The following ZMIZ1 variants were observed in gnomAD, a reference collection of about 807,000 sequenced individuals.
The protein encoded by ZMIZ1 is zinc finger MIZ-type containing 1.
In ZMIZ1, 17 loss-of-function variants were observed where a neutral mutation model predicts 113.9. The ratio of observed to expected loss-of-function variants is 0.15; its 90% CI spans 0.10 to 0.22. ZMIZ1 has a LOEUF of 0.22. Ranked by LOEUF, ZMIZ1 falls within the 10% of genes least tolerant of loss-of-function variation. ZMIZ1 has a pLI of 1.00. For synonymous variants in ZMIZ1, 607 were observed against 603.1 expected (o/e 1.01, Z -0.09); for missense variants, 1,059 against 1,477.8 (o/e 0.72, Z 4.65).
At chr10:79,221,371 A>T (rs1352579492) in intron 7 of ZMIZ1, among the ~76,000 whole-genome samples, 1 of 152,150 alleles carries the variant, frequency 6.6e-6, no homozygotes, top group Non-Finnish European at 1.5e-5. Flanking sequence ...GCGGCCCTGG[A>T]CGCCCAGCCC....
At chr10:79,283,524 G>T (rs2131999486) in intron 8 of ZMIZ1, among the ~76,000 whole-genome samples, 1 of 152,260 alleles carries the variant, frequency 6.6e-6, no homozygotes, top group East Asian at 1.9e-4. Context: ...AAAGAAGGGG[G>T]CAATCAAAAC....
At chr10:79,266,163 G>A (rs893901928) in intron 7 of ZMIZ1, among the ~76,000 whole-genome samples, 3 of 152,210 alleles carry the variant, frequency 2.0e-5, no homozygotes, top group Non-Finnish European at 2.9e-5. Flanking sequence ...CCAGAGACGG[G>A]AGGAAGTTGC....
intron 7 of ZMIZ1, among the ~76,000 whole-genome samples, chr10:79,263,172 A>T (rs1431749492): frequency 2.0e-5 from 3 of 152,254 alleles, no homozygotes; most frequent in Non-Finnish European, 4.4e-5. Context: ...TGCGCTCCTG[A>T]GCTTACAACA....
At chr10:79,255,899 C>T (rs1373219972) in intron 7 of ZMIZ1, among the ~76,000 whole-genome samples, 2 of 152,204 alleles carry the variant, frequency 1.3e-5, no homozygotes, top group South Asian at 2.1e-4. Context: ...ATCACAGAGC[C>T]GCATTGTAAA....
At chr10:79,295,393 T>C (rs1440242702) in intron 12 of ZMIZ1, 1 of 152,256 alleles carries the variant, frequency 6.6e-6, no homozygotes, top group African/African-American at 2.4e-5. Flanking sequence ...CACTGGGTGG[T>C]CACAGCCTAT....
chr10:79,161,920 G>T, intron 3 of ZMIZ1, 133 bp from the exon 4 acceptor site: 2 of 398,256 alleles, frequency 5.0e-6, no homozygotes, highest in East Asian at 7.1e-5. Flanking sequence ...TTTATGCCAG[G>T]GCACCCCATC....
At chr10:79,244,115 AG>A (rs1262905190) in intron 7 of ZMIZ1, among the ~76,000 whole-genome samples, 2 of 152,252 alleles carry the variant, frequency 1.3e-5, no homozygotes, top group Non-Finnish European at 2.9e-5. Flanking sequence ...GCAGCGCCTG[AG>A]GGTCCTCGAC....
At chr10:79,083,631 C>T (rs1454720528) in intron 1 of ZMIZ1, among the ~76,000 whole-genome samples, 1 of 152,166 alleles carries the variant, frequency 6.6e-6, no homozygotes, top group Admixed American at 6.5e-5. Flanking sequence ...CAAGGGTGGC[C>T]ACAAGGAGAC....
intron 1 of ZMIZ1, among the ~76,000 whole-genome samples, chr10:79,114,525 G>GTGTGTGTGTGTA (rs1452074592): frequency 3.5e-5 from 5 of 143,852 alleles, no homozygotes; most frequent in African/African-American, 1.3e-4. Flanking sequence ...GTGTGTGTGT[G>GTGTGTGTGTGTA]TGTGTGTGTG....
intron 1 of ZMIZ1, among the ~76,000 whole-genome samples, chr10:79,084,290 A>G (rs1003267410): frequency 3.3e-5 from 5 of 152,224 alleles, no homozygotes; most frequent in African/African-American, 9.7e-5. Flanking sequence ...CAAGGGATCA[A>G]CTGCGTGGGG....
At position 79,313,747 on chromosome 10, in the gene ZMIZ1, C is replaced by T. The variant is rs1003571143; in HGVS notation, c.*998C>T. 4.8e-5 allele frequency: 15 copies of T among 312,974 alleles called. No homozygotes were observed. The highest frequency in any genetic ancestry group is 9.5e-5 in the Non-Finnish European group (15 of 158,048). The allele number at this position is 312,974 out of a possible 1,614,324, so 19.4% of individuals were successfully genotyped here. A position where few individuals can be genotyped will look rare whatever the true frequency, so the allele number is the denominator to read the frequency against. On this transcript the variant is annotated 3_prime_UTR_variant, in exon 25 of 25. Coordinates refer to ENST00000334512, the MANE Select transcript of ZMIZ1 (RefSeq NM_020338.4). ...CTTGGACAGCAAGCAAACCATTTCT[C>T]TCCGTCTGTTCTGTTTTTCTCCTAG...
rs1852363537 is a variant in ZMIZ1 at position 79,277,329 on chromosome 10, A to G, written c.425+4A>G. Reference sequence around the variant, plus strand: ...TGAAACCCACTCTGTCGCACAGGTAAGTGGGTGGGTGCCATGGGTGCAGGT... The same window carrying G: ...TGAAACCCACTCTGTCGCACAGGTAGGTGGGTGGGTGCCATGGGTGCAGGT... On this transcript the variant is annotated splice_donor_region_variant and intron_variant, in intron 8 of 24. Transcript: ENST00000334512. 1 of 1,590,924 alleles carries G rather than the reference A, an allele frequency of 6.3e-7. No homozygotes were observed. The highest frequency in any genetic ancestry group is 1.4e-5 in the African/African-American group (1 of 73,420).
rs57304757 is a variant in ZMIZ1, at chr10:79,114,506, CGTGTGTGTGTGTGT to C, written c.-336-4387_-336-4374del. Among the ~76,000 whole-genome samples, 11 of 93,192 alleles carry C rather than the reference CGTGTGTGTGTGTGT, an allele frequency of 1.2e-4. No individual in the cohort carries two copies. The East Asian group carries it at 1.3e-3, about 11-fold the overall frequency. The allele number at this position is 93,192 out of a possible 152,430, so 61.1% of individuals were successfully genotyped here. A position where few individuals can be genotyped will look rare whatever the true frequency, so the allele number is the denominator to read the frequency against. On this transcript the variant is annotated intron_variant, in intron 1 of 24. Coordinates refer to ENST00000334512, the MANE Select transcript of ZMIZ1 (RefSeq NM_020338.4). ...GTGTGTGTGTGTGCGTGTGTGTGTGCGTGTGTGTGTGTGTGTGTGTGTGTGTGTGTGTGTGAAGG... is the reference window on the plus strand; with the variant it reads ...GTGTGTGTGTGTGCGTGTGTGTGTGCGTGTGTGTGTGTGTGTGTGTGAAGG...
At chr10:79,306,472 C>A in intron 22 of ZMIZ1, 128 bp downstream of exon 22, 2 of 1,440,936 alleles carry the variant, frequency 1.4e-6, no homozygotes, top group African/African-American at 1.4e-5. Context: ...GTAACACATC[C>A]CCCAAAAAAC....
At chr10:79,291,683 C>T (rs922493560) in intron 10 of ZMIZ1, among the ~76,000 whole-genome samples, 9 of 152,288 alleles carry the variant, frequency 5.9e-5, no homozygotes, top group African/African-American at 1.9e-4. Flanking sequence ...TGGTGTGAGG[C>T]GAGCAGAGGT....
In ZMIZ1 at chr10:79,300,903, C is replaced by T. The variant is rs1422075227; in HGVS notation, c.1980C>T (p.Gly660=). 10 of 1,612,582 alleles carry T rather than the reference C, an allele frequency of 6.2e-6. No homozygotes were observed. The highest frequency in any genetic ancestry group is 8.5e-6 in the Non-Finnish European group (10 of 1,179,970). The change falls in exon 17 of 25, where the codon GGC becomes GGT. Residue 660 remains glycine, a synonymous_variant. Transcript: ENST00000334512. ...ACCTGAAGCACGTGTGCCAGCCGGG[C>T]CGCAACACCATCCAGATCACCGTCA... ...PLHLKHVCQP[G]RNTIQITVTA...
At chr10:79,119,360 G>A (rs76158344) in intron 2 of ZMIZ1, among the ~76,000 whole-genome samples, 3,197 of 152,258 alleles carry the variant, frequency 0.021, 105 homozygotes, top group African/African-American at 0.065. Flanking sequence ...CCTCTAACCC[G>A]ACAAGCACTT....
chr10:79,105,896 T>C (rs1301947102), intron 1 of ZMIZ1, among the ~76,000 whole-genome samples: 2 of 152,150 alleles, frequency 1.3e-5, no homozygotes, highest in African/African-American at 4.8e-5. Context: ...ACTGTCCAGG[T>C]TGCCCTTCCC....
intron 1 of ZMIZ1, among the ~76,000 whole-genome samples, chr10:79,075,986 C>T (rs1471878514): frequency 2.0e-5 from 3 of 152,178 alleles, no homozygotes; most frequent in African/African-American, 2.4e-5. Context: ...CCACTTAGGT[C>T]CTGTGCTGCC....
Sources: gnomAD v4.1 joint callset for allele counts (sites outside exome capture counted in the v4.1 genomes callset) on GRCh38, gnomAD v4.1.1 for gene constraint, MANE v1.5 for transcripts, NCBI Gene and HGNC (gene_info 2026-07-23, HGNC 2026-07-21) for gene names.